ACO2: variants seen among roughly 807,000 people sequenced by gnomAD.
The protein encoded by ACO2 is aconitase 2, also known as aconitate hydratase, mitochondrial.
In ACO2, 31 loss-of-function variants were observed where a neutral mutation model predicts 84.5. The observed-to-expected ratio is 0.37, with a 90% CI of 0.28 to 0.50. The LOEUF (loss-of-function observed/expected upper bound fraction) is 0.50, where lower values mean the gene tolerates loss of function less well. ACO2 is among the 20% of genes least tolerant of loss of function. The pLI is 0.97. For synonymous variants in ACO2, 414 were observed against 412.7 expected (o/e 1.00, Z -0.04); for missense variants, 685 against 1,029.3 (o/e 0.67, Z 4.58).
intron 2 of ACO2, among the ~76,000 whole-genome samples, chr22:41,502,660 G>T (rs574095967): frequency 3.6e-4 from 55 of 152,312 alleles, no homozygotes; most frequent in Non-Finnish European, 5.4e-4. Context: ...CCAGGCTGGA[G>T]TGCAGTTGTG....
intron 4 of ACO2, among the ~76,000 whole-genome samples, chr22:41,513,107 A>AGC (rs2066447519): frequency 6.6e-6 from 1 of 152,202 alleles, no homozygotes; most frequent in Admixed American, 6.5e-5. Flanking sequence ...GGCCGTTTGC[A>AGC]GCGGCCTGTG....
intron 16 of ACO2, 27 bp from the exon 17 acceptor site, chr22:41,527,874 G>A (rs745980960): frequency 2.2e-5 from 35 of 1,613,944 alleles, no homozygotes; most frequent in East Asian, 1.1e-4. Flanking sequence ...TCAGGCCCCC[G>A]ATGACCGAAT....
intron 2 of ACO2, among the ~76,000 whole-genome samples, chr22:41,504,581 G>A (rs994944757): frequency 6.6e-6 from 1 of 152,122 alleles, no homozygotes; most frequent in African/African-American, 2.4e-5. Context: ...GTCATTGCCC[G>A]TACACCAGCC....
At chr22:41,523,080 T>C in intron 10 of ACO2, 93 bp downstream of exon 10, 8 of 1,570,894 alleles carry the variant, frequency 5.1e-6, no homozygotes, top group Non-Finnish European at 6.9e-6. Context: ...GGGCCGGGGC[T>C]GGGGCAGGTC....
rs564325209 is a variant in ACO2, at chr22:41,506,080, T to G, written c.174-1711T>G. Reference sequence around the variant, plus strand: ...TAGGTCAGGTTTGGGCTTTTTTGTTTTTTTTTTGTTTGTTTGTTTTTATTA... The same window carrying G: ...TAGGTCAGGTTTGGGCTTTTTTGTTGTTTTTTTGTTTGTTTGTTTTTATTA... On this transcript the variant is annotated intron_variant, in intron 2 of 17. Transcript: ENST00000216254. 2.7e-3 allele frequency among the ~76,000 whole-genome samples: 407 copies of G among 152,122 alleles called. 3 individuals carry two copies. The highest frequency in any genetic ancestry group is 9.3e-3 in the African/African-American group (385 of 41,502).
intron 6 of ACO2, among the ~76,000 whole-genome samples, chr22:41,517,028 A>G (rs988546981): frequency 3.9e-5 from 6 of 152,106 alleles, no homozygotes; most frequent in Non-Finnish European, 8.8e-5. Flanking sequence ...TGTCTCCACC[A>G]TGGTATGGCT....
chr22:41,526,955 A>G, intron 15 of ACO2: 1 of 416,648 alleles, frequency 2.4e-6, no homozygotes, highest in Non-Finnish European at 4.3e-6. Context: ...TGAGCTTCAC[A>G]GATGCATCTT....
intron 1 of ACO2, among the ~76,000 whole-genome samples, chr22:41,471,499 C>A (rs542294682): frequency 2.0e-5 from 3 of 152,292 alleles, no homozygotes; most frequent in African/African-American, 7.2e-5. Flanking sequence ...TCAATTCATT[C>A]CTACCTCATT....
intron 1 of ACO2, among the ~76,000 whole-genome samples, chr22:41,473,941 C>T (rs1008227733): frequency 2.6e-5 from 4 of 152,128 alleles, no homozygotes; most frequent in South Asian, 2.1e-4. Context: ...AGGCAGGCTT[C>T]GGTAAGGAAA....
At chr22:41,525,070 G>C in intron 13 of ACO2, 102 bp downstream of exon 13, 1 of 1,603,680 alleles carries the variant, frequency 6.2e-7, no homozygotes, top group Non-Finnish European at 8.5e-7. Context: ...CGCTGCTAGT[G>C]AGAAGGAAGC....
intron 1 of ACO2, among the ~76,000 whole-genome samples, chr22:41,490,870 C>A (rs112784148): frequency 6.6e-6 from 1 of 151,844 alleles, no homozygotes; most frequent in East Asian, 1.9e-4. Context: ...TATGTAACAC[C>A]TCCTGTGTAT....
intron 2 of ACO2, among the ~76,000 whole-genome samples, chr22:41,505,592 C>T (rs980751887): frequency 6.6e-6 from 1 of 152,128 alleles, no homozygotes; most frequent in Non-Finnish European, 1.5e-5. Flanking sequence ...TCACTGGCTT[C>T]GTGGTCTGGA....
At chr22:41,527,010 A>G (rs2066613086) in intron 15 of ACO2, 2 of 525,556 alleles carry the variant, frequency 3.8e-6, no homozygotes, top group Non-Finnish European at 6.8e-6. Flanking sequence ...ACCTCCCTCC[A>G]CACACACCTG....
chr22:41,495,303 G>T (rs1384400684), intron 1 of ACO2, among the ~76,000 whole-genome samples: 2 of 152,198 alleles, frequency 1.3e-5, no homozygotes, highest in East Asian at 1.9e-4. Context: ...AAAGTGTTGG[G>T]ATTACAGGTG....
chr22:41,524,839 A>G lies in ACO2; in HGVS notation c.1483-7A>G. 3 of 1,614,146 alleles carry G rather than the reference A, an allele frequency of 1.9e-6. No homozygotes were observed. Among genetic ancestry groups the G allele is most frequent in the Non-Finnish European group, 2.5e-6 (3 of 1,180,016 alleles). On this transcript the variant is annotated splice_polypyrimidine_tract_variant and splice_region_variant and intron_variant, in intron 12 of 17. Coordinates refer to ENST00000216254, the MANE Select transcript of ACO2 (RefSeq NM_001098.3). ...GCTGACCAACAAACTGGCCACCTCCATTTCAGATTGTCACAGCCCTGGCCA... is the reference window on the plus strand; with the variant it reads ...GCTGACCAACAAACTGGCCACCTCCGTTTCAGATTGTCACAGCCCTGGCCA...
At chr22:41,475,429 G>A (rs1053339888) in intron 1 of ACO2, among the ~76,000 whole-genome samples, 2 of 151,958 alleles carry the variant, frequency 1.3e-5, no homozygotes, top group African/African-American at 4.8e-5. Flanking sequence ...GATTATAGGC[G>A]CGAGCCACTG....
rs946516590 is a variant in ACO2, at chr22:41,485,732, G to A, written c.37-13994G>A. On this transcript the variant is annotated intron_variant, in intron 1 of 17. Transcript: ENST00000216254. ...TGCTGGGATTACAGGTGTGAGCCAC[G>A]GCGCTCGGCCCGCCCGGCTAATTTT... is the stretch of plus-strand genomic sequence containing the variant. Among the ~76,000 whole-genome samples, 5 of 150,998 alleles carry A rather than the reference G, an allele frequency of 3.3e-5. No individual in the cohort carries two copies. In the South Asian group the frequency reaches 6.3e-4, roughly 19 times the overall value.
chr22:41,524,048 C>A, intron 12 of ACO2, 107 bp downstream of exon 12: 1 of 953,698 alleles, frequency 1.0e-6, no homozygotes, highest in Non-Finnish European at 1.6e-6. Context: ...CAAGTGGTAG[C>A]CAGGAGCTAC....
intron 1 of ACO2, among the ~76,000 whole-genome samples, chr22:41,495,385 C>CGACCG (rs1228643776): frequency 6.6e-6 from 1 of 152,012 alleles, no homozygotes; most frequent in Non-Finnish European, 1.5e-5. Flanking sequence ...CTTGAATTCC[C>CGACCG]GGTCTCAAGC....
Sources: gnomAD v4.1 joint callset for allele counts (sites outside exome capture counted in the v4.1 genomes callset) on GRCh38, gnomAD v4.1.1 for gene constraint, MANE v1.5 for transcripts, NCBI Gene and HGNC (gene_info 2026-07-23, HGNC 2026-07-21) for gene names.